The following STPG2 variants were observed in gnomAD, a reference collection of about 807,000 sequenced individuals.
The protein encoded by STPG2 is sperm-tail PG-rich repeat-containing protein 2.
Under a neutral mutation model 54.2 loss-of-function variants are expected in STPG2, and 56 were observed. That is an observed-to-expected ratio of 1.03 (90% confidence interval 0.83 to 1.29). The LOEUF is 1.29. Ranked by LOEUF, STPG2 falls within the 50% of genes most tolerant of loss-of-function variation. The pLI is 0.00. For missense variants in STPG2, 596 were observed against 544.9 expected (o/e 1.09, Z -0.93); for synonymous variants, 200 against 181.8 (o/e 1.10, Z -0.81).
chr4:97,948,825 G>T (rs1560605193), intron 7 of STPG2, among the ~76,000 whole-genome samples: 3 of 152,006 alleles, frequency 2.0e-5, no homozygotes, highest in South Asian at 2.1e-4. Context: ...TTGTTTTGTG[G>T]TGTGTCATAT....
At chr4:98,061,557 G>C (rs1737657514) in intron 5 of STPG2, among the ~76,000 whole-genome samples, 2 of 152,086 alleles carry the variant, frequency 1.3e-5, no homozygotes, top group Admixed American at 1.3e-4. Context: ...CATTATATTT[G>C]GGTGGGTACT....
chr4:97,743,956 G>A (rs1315141443), intron 9 of STPG2, among the ~76,000 whole-genome samples: 1 of 151,518 alleles, frequency 6.6e-6, no homozygotes, highest in Non-Finnish European at 1.5e-5. Flanking sequence ...AGAGGATACA[G>A]TAGAGGATTA....
At chr4:97,491,136 A>C (rs2148827163) in intron 4 of STPG2, among the ~76,000 whole-genome samples, 1 of 151,508 alleles carries the variant, frequency 6.6e-6, no homozygotes, top group South Asian at 2.1e-4. Flanking sequence ...TTCTGGCAGA[A>C]AATTTTCATT....
At chr4:97,504,491 A>G (rs1411001875) in intron 4 of STPG2, among the ~76,000 whole-genome samples, 1 of 151,906 alleles carries the variant, frequency 6.6e-6, no homozygotes, top group East Asian at 1.9e-4. Flanking sequence ...AATAGTACCT[A>G]TGGGAAATAA....
intron 8 of STPG2, among the ~76,000 whole-genome samples, chr4:97,893,549 C>T (rs1364639269): frequency 6.6e-6 from 1 of 151,966 alleles, no homozygotes; most frequent in Non-Finnish European, 1.5e-5. Flanking sequence ...CTAGATGAGG[C>T]CCTTGTCCTC....
At chr4:97,732,362 T>C (rs1204527624) in intron 9 of STPG2, among the ~76,000 whole-genome samples, 1 of 152,168 alleles carries the variant, frequency 6.6e-6, no homozygotes, top group African/African-American at 2.4e-5. Flanking sequence ...GATATTTTTA[T>C]AAGGTGAGAG....
chr4:97,935,987 C>T (rs549222613), intron 8 of STPG2, among the ~76,000 whole-genome samples: 1 of 138,004 alleles, frequency 7.2e-6, no homozygotes, highest in Admixed American at 7.1e-5. Flanking sequence ...GTGTTAAAAT[C>T]TCCCACTATT....
At chr4:97,971,288 A>C (rs1464335881) in intron 7 of STPG2, among the ~76,000 whole-genome samples, 2 of 152,206 alleles carry the variant, frequency 1.3e-5, no homozygotes, top group Non-Finnish European at 2.9e-5. Flanking sequence ...TTGACCCAGC[A>C]ATCCCATTAT....
chr4:97,897,259 T>C (rs1484229653), intron 8 of STPG2, among the ~76,000 whole-genome samples: 3 of 151,992 alleles, frequency 2.0e-5, no homozygotes, highest in Non-Finnish European at 2.9e-5. Context: ...TATAATTGCA[T>C]AGTATTCCAT....
chr4:97,736,639 T>C (rs1725006760), intron 9 of STPG2, among the ~76,000 whole-genome samples: 3 of 152,160 alleles, frequency 2.0e-5, no homozygotes, highest in Admixed American at 2.0e-4. Flanking sequence ...AACTGCAAGG[T>C]GGCAGCCAGG....
At chr4:97,458,951 A>G (rs1166993864) in intron 4 of STPG2, among the ~76,000 whole-genome samples, 1 of 152,142 alleles carries the variant, frequency 6.6e-6, no homozygotes, top group Non-Finnish European at 1.5e-5. Context: ...TAAAATAAAG[A>G]CTATATTATA....
intron 4 of STPG2, among the ~76,000 whole-genome samples, chr4:97,510,843 C>G (rs1264089717): frequency 6.6e-6 from 1 of 152,080 alleles, no homozygotes; most frequent in South Asian, 2.1e-4. Context: ...TGGCTCACGC[C>G]GGTAATCCCA....
rs891908724 is a variant in STPG2, at chr4:97,580,576, C to A, written c.1321-21459G>T. Among the ~76,000 whole-genome samples, 2 of 151,884 alleles carry A rather than the reference C, an allele frequency of 1.3e-5. 1 individual carries two copies. The highest frequency in any genetic ancestry group is 1.3e-4 in the Admixed American group (2 of 15,204). On this transcript the variant is annotated intron_variant, in intron 10 of 10. Transcript: ENST00000295268. Reference sequence around the variant, plus strand: ...TCTGTCTCTCTCCCTCTCACACACACACACACAAAGAGAATTATTTAAATT... The same window carrying A: ...TCTGTCTCTCTCCCTCTCACACACAAACACACAAAGAGAATTATTTAAATT...
intron 4 of STPG2, among the ~76,000 whole-genome samples, chr4:97,506,075 AAAT>A (rs1264655103): frequency 6.7e-6 from 1 of 149,420 alleles, no homozygotes; most frequent in Non-Finnish European, 1.5e-5. Context: ...AGATCTGTGG[AAAT>A]GTAGGAGTGA....
chr4:97,671,514 T>C (rs1722693661), intron 10 of STPG2, among the ~76,000 whole-genome samples: 1 of 152,240 alleles, frequency 6.6e-6, no homozygotes, highest in African/African-American at 2.4e-5. Flanking sequence ...CTAGTTATTC[T>C]CCACAAAACA....
intron 7 of STPG2, among the ~76,000 whole-genome samples, chr4:97,956,403 G>A (rs918111733): frequency 2.0e-5 from 3 of 152,108 alleles, no homozygotes; most frequent in African/African-American, 7.2e-5. Context: ...TGGATAATGG[G>A]AATCATGGCA....
chr4:97,580,644 C>T (rs1315534568), intron 10 of STPG2, among the ~76,000 whole-genome samples: 2 of 151,866 alleles, frequency 1.3e-5, no homozygotes, highest in Non-Finnish European at 2.9e-5. Context: ...AGAAAACTTC[C>T]AGCCTCCAAA....
intron 9 of STPG2, among the ~76,000 whole-genome samples, chr4:97,786,733 T>G (rs1174945725): frequency 6.6e-6 from 1 of 151,948 alleles, no homozygotes; most frequent in African/African-American, 2.4e-5. Context: ...GCCACTCACC[T>G]GTTGGTCACT....
chr4:97,481,854 G>C (rs771428016), intron 4 of STPG2, among the ~76,000 whole-genome samples: 2 of 151,446 alleles, frequency 1.3e-5, no homozygotes, highest in African/African-American at 2.4e-5. Flanking sequence ...ACTTATTAAA[G>C]TGGCTAGGAA....
Sources: allele counts gnomAD v4.1 joint callset (sites outside exome capture counted in the v4.1 genomes callset), GRCh38; gene constraint gnomAD v4.1.1; transcripts MANE v1.5; gene names NCBI Gene and HGNC (gene_info 2026-07-23, HGNC 2026-07-21).